NUP98: variants seen among roughly 807,000 people sequenced by gnomAD.
NUP98 encodes the protein nucleoporin 98 and 96 precursor, also known as nuclear pore complex protein Nup98-Nup96.
In NUP98, 26 loss-of-function variants were observed where a neutral mutation model predicts 191.9. The observed-to-expected ratio is 0.14, with a 90% CI of 0.10 to 0.19. The LOEUF (loss-of-function observed/expected upper bound fraction) is 0.19, where lower values mean the gene tolerates loss of function less well. NUP98 is among the 10% of genes least tolerant of loss of function. The pLI is 1.00. For missense variants in NUP98, 1,941 were observed against 2,178.8 expected, an observed-to-expected ratio of 0.89 and a Z score of 2.17; for synonymous variants, 808 against 778.4, an observed-to-expected ratio of 1.04 and a Z score of -0.63.
At chr11:3,756,010 A>G (rs2080947057) in intron 10 of NUP98, among the ~76,000 whole-genome samples, 1 of 152,218 alleles carries the variant, frequency 6.6e-6, no homozygotes, top group African/African-American at 2.4e-5. Context: ...AACCTGACTT[A>G]ATCGCAATAT....
chr11:3,781,946 A>T, intron 2 of NUP98, 96 bp downstream of exon 2: 1 of 691,264 alleles, frequency 1.4e-6, no homozygotes, highest in South Asian at 2.2e-5. Flanking sequence ...ATATGAAAGT[A>T]AAAATAAAAT....
intron 1 of NUP98, among the ~76,000 whole-genome samples, chr11:3,791,744 G>C (rs1266750056): frequency 6.6e-6 from 1 of 151,286 alleles, no homozygotes; most frequent in African/African-American, 2.4e-5. Context: ...TCAGGAGGCT[G>C]AGGCAGGAGA....
chr11:3,760,508 T>C (rs2081128955), intron 10 of NUP98, 31 bp downstream of exon 10: 1 of 1,614,158 alleles, frequency 6.2e-7, no homozygotes, highest in Non-Finnish European at 8.5e-7. Context: ...AGTGTTTGTA[T>C]TGGTTCCTAA....
intron 20 of NUP98, among the ~76,000 whole-genome samples, chr11:3,710,443 CAG>C (rs368336267): frequency 2.6e-5 from 4 of 152,184 alleles, no homozygotes; most frequent in African/African-American, 9.6e-5. Flanking sequence ...CAACTGGAAA[CAG>C]GGGACTGACG....
intron 14 of NUP98, among the ~76,000 whole-genome samples, chr11:3,727,655 A>G (rs2079672494): frequency 6.6e-6 from 1 of 152,092 alleles, no homozygotes; most frequent in Non-Finnish European, 1.5e-5. Context: ...TGAGCCCAGG[A>G]GTTCAAGACA....
At chr11:3,742,305 G>T (rs1366048635) in intron 12 of NUP98, among the ~76,000 whole-genome samples, 1 of 152,166 alleles carries the variant, frequency 6.6e-6, no homozygotes, top group Non-Finnish European at 1.5e-5. Flanking sequence ...AGAATCATTT[G>T]CAACAGTTCA....
chr11:3,741,403 C>T (rs900426816), intron 12 of NUP98, among the ~76,000 whole-genome samples: 1 of 151,946 alleles, frequency 6.6e-6, no homozygotes, highest in African/African-American at 2.4e-5. Flanking sequence ...AGGTGGATCA[C>T]CTGAGGTCAG....
At chr11:3,740,250 C>A (rs933406986) in intron 12 of NUP98, among the ~76,000 whole-genome samples, 1 of 152,138 alleles carries the variant, frequency 6.6e-6, no homozygotes, top group African/African-American at 2.4e-5. Context: ...GTGGCTCACA[C>A]CTGTAACCCC....
intron 20 of NUP98, among the ~76,000 whole-genome samples, chr11:3,709,426 G>A (rs1183114015): frequency 1.3e-5 from 2 of 151,928 alleles, no homozygotes; most frequent in African/African-American, 4.8e-5. Flanking sequence ...TATTTAGGCA[G>A]GGCGCTGTGG....
intron 14 of NUP98, among the ~76,000 whole-genome samples, chr11:3,728,166 T>C (rs919256130): frequency 2.6e-5 from 4 of 152,248 alleles, no homozygotes; most frequent in African/African-American, 4.8e-5. Flanking sequence ...CCCAAATAAA[T>C]AGCATGCCTA....
Position 3,676,058 on chromosome 11 carries a change from C to T in NUP98, c.*101G>A. The T allele has an allele frequency of 8.6e-7, 1 of 1,169,128 alleles. No individual in the cohort carries two copies. The highest frequency in any genetic ancestry group is 2.1e-5 in the Admixed American group (1 of 47,854). The allele number at this position is 1,169,128 out of a possible 1,614,324, so 72.4% of individuals were successfully genotyped here. A position where few individuals can be genotyped will look rare whatever the true frequency, so the allele number is the denominator to read the frequency against. ...CAGCAGGGAGGGAGGGTAGATGCCA[C>T]AGCCAACCCAGAGAATGGCAAACAG... On this transcript the variant is annotated 3_prime_UTR_variant, in exon 33 of 33. Coordinates refer to ENST00000324932, the MANE Select transcript of NUP98 (RefSeq NM_016320.5).
At chr11:3,725,037 A>G (rs2079562328) in intron 15 of NUP98, 66 bp downstream of exon 15, 8 of 711,568 alleles carry the variant, frequency 1.1e-5, no homozygotes, top group Non-Finnish European at 1.4e-5. Context: ...ATAAATTCCT[A>G]AGAATGTCTT....
chr11:3,760,503 T>A (rs2134504512), intron 10 of NUP98, 36 bp downstream of exon 10: 1 of 1,614,150 alleles, frequency 6.2e-7, no homozygotes, highest in Non-Finnish European at 8.5e-7. Context: ...TTAGAAGTGT[T>A]TGTATTGGTT....
intron 2 of NUP98, among the ~76,000 whole-genome samples, chr11:3,779,606 A>G (rs1012710373): frequency 6.6e-6 from 1 of 150,922 alleles, no homozygotes; most frequent in Non-Finnish European, 1.5e-5. Context: ...GTGCCACTGC[A>G]CTCCAGCCGG....
intron 5 of NUP98, 80 bp from the exon 6 acceptor site, chr11:3,773,819 A>C (rs2081611708): frequency 9.1e-6 from 7 of 772,790 alleles, no homozygotes; most frequent in Middle Eastern, 2.3e-4. Context: ...TCAACCACTG[A>C]ACTCTAAAAC....
chr11:3,789,175 T>C (rs1328055040), intron 1 of NUP98, among the ~76,000 whole-genome samples: 1 of 152,202 alleles, frequency 6.6e-6, no homozygotes, highest in Non-Finnish European at 1.5e-5. Flanking sequence ...CTAGAGCTCC[T>C]CAAAAGCAGC....
intron 7 of NUP98, among the ~76,000 whole-genome samples, chr11:3,770,726 A>G (rs936409450): frequency 6.6e-6 from 1 of 152,148 alleles, no homozygotes; most frequent in African/African-American, 2.4e-5. Context: ...ACATATGTGC[A>G]TTACTTTTGC....
chr11:3,727,893 C>T (rs919494796), intron 14 of NUP98, among the ~76,000 whole-genome samples: 13 of 151,870 alleles, frequency 8.6e-5, no homozygotes, highest in Non-Finnish European at 1.3e-4. Flanking sequence ...TGTGGTGGCA[C>T]GCACCTGTAG....
chr11:3,741,982 C>T (rs2080300175), intron 12 of NUP98, among the ~76,000 whole-genome samples: 1 of 152,182 alleles, frequency 6.6e-6, no homozygotes, highest in South Asian at 2.1e-4. Flanking sequence ...AAGACACATT[C>T]CAGAAAATTC....
Sources: gnomAD v4.1 joint callset for allele counts (sites outside exome capture counted in the v4.1 genomes callset) on GRCh38, gnomAD v4.1.1 for gene constraint, MANE v1.5 for transcripts, NCBI Gene and HGNC (gene_info 2026-07-23, HGNC 2026-07-21) for gene names.